The following MAGI2 variants were observed in gnomAD, a reference collection of about 807,000 sequenced individuals.
The protein encoded by MAGI2 is membrane associated guanylate kinase, WW and PDZ domain containing 2.
In MAGI2, 35 loss-of-function variants were observed where a neutral mutation model predicts 133.3. The observed-to-expected ratio is 0.26, with a 90% CI of 0.20 to 0.35. The LOEUF (loss-of-function observed/expected upper bound fraction) is 0.35. MAGI2 is among the 10% of genes least tolerant of loss of function. The pLI is 1.00. For synonymous variants in MAGI2, 729 were observed against 710.6 expected (o/e 1.03, Z -0.41); for missense variants, 1,636 against 1,863.4 (o/e 0.88, Z 2.25).
At chr7:78,930,360 C>G (rs577957783) in intron 2 of MAGI2, among the ~76,000 whole-genome samples, 1 of 152,194 alleles carries the variant, frequency 6.6e-6, no homozygotes. Flanking sequence ...TTGATGAACT[C>G]ACAACCAGTA....
At chr7:79,160,988 A>C (rs796480243) in intron 1 of MAGI2, among the ~76,000 whole-genome samples, 136 of 152,156 alleles carry the variant, frequency 8.9e-4, no homozygotes, top group African/African-American at 3.1e-3. Context: ...GGGAATCCCA[A>C]ACTCCTTTTC....
At chr7:78,174,349 G>C (rs1384104186) in intron 14 of MAGI2, among the ~76,000 whole-genome samples, 2 of 152,200 alleles carry the variant, frequency 1.3e-5, no homozygotes, top group African/African-American at 2.4e-5. Context: ...CCTTAGGTTG[G>C]TAAGTTTGAA....
At chr7:78,414,549 T>C (rs1399864766) in intron 6 of MAGI2, among the ~76,000 whole-genome samples, 3 of 152,054 alleles carry the variant, frequency 2.0e-5, no homozygotes, top group African/African-American at 7.2e-5. Flanking sequence ...CTCCTAATTT[T>C]AAAAGACCAA....
At chr7:78,111,028 C>CT (rs1819308020) in intron 20 of MAGI2, among the ~76,000 whole-genome samples, 5 of 152,142 alleles carry the variant, frequency 3.3e-5, no homozygotes, top group Admixed American at 3.3e-4. Context: ...ACTGGGCAAA[C>CT]TGAGTGACTC....
At chr7:78,826,691 G>A (rs1790682950) in intron 2 of MAGI2, among the ~76,000 whole-genome samples, 1 of 152,136 alleles carries the variant, frequency 6.6e-6, no homozygotes, top group Non-Finnish European at 1.5e-5. Flanking sequence ...AGAGTTCTAG[G>A]ATGAAATGTA....
chr7:78,105,666 G>A (rs1471872590), intron 20 of MAGI2, among the ~76,000 whole-genome samples: 1 of 151,778 alleles, frequency 6.6e-6, no homozygotes, highest in East Asian at 1.9e-4. Flanking sequence ...TATGCGTGTT[G>A]CCTCTTCGCC....
intron 1 of MAGI2, among the ~76,000 whole-genome samples, chr7:79,154,795 T>C (rs1160570161): frequency 6.6e-6 from 1 of 152,176 alleles, no homozygotes; most frequent in Non-Finnish European, 1.5e-5. Flanking sequence ...TCTAACATGG[T>C]ACCTGTCTGC....
intron 2 of MAGI2, among the ~76,000 whole-genome samples, chr7:78,862,411 T>C (rs1794221899): frequency 6.6e-6 from 1 of 152,214 alleles, no homozygotes; most frequent in South Asian, 2.1e-4. Context: ...TCTGGGTGCT[T>C]GTCCAAGATA....
At chr7:79,319,140 T>G (rs1838978414) in intron 1 of MAGI2, among the ~76,000 whole-genome samples, 1 of 152,148 alleles carries the variant, frequency 6.6e-6, no homozygotes, top group Admixed American at 6.6e-5. Context: ...CTTTCCTGAC[T>G]TTCCTGCATT....
intron 1 of MAGI2, among the ~76,000 whole-genome samples, chr7:79,015,907 G>A (rs535165284): frequency 2.7e-5 from 4 of 150,830 alleles, no homozygotes; most frequent in South Asian, 2.1e-4. Context: ...AAAATGGAGA[G>A]AGGGAAGACA....
intron 2 of MAGI2, among the ~76,000 whole-genome samples, chr7:78,780,425 A>G (rs868562710): frequency 7.9e-5 from 12 of 152,152 alleles, no homozygotes; most frequent in Admixed American, 2.0e-4. Context: ...CAGTTGAAAC[A>G]TTTTCCTCAT....
chr7:79,424,510 G>C (rs1847202854), intron 1 of MAGI2, among the ~76,000 whole-genome samples: 1 of 151,974 alleles, frequency 6.6e-6, no homozygotes, highest in South Asian at 2.1e-4. Context: ...TATAGGTATT[G>C]ACAATATATT....
chr7:78,521,056 A>G (rs1796454021), intron 4 of MAGI2, among the ~76,000 whole-genome samples: 1 of 152,178 alleles, frequency 6.6e-6, no homozygotes, highest in African/African-American at 2.4e-5. Flanking sequence ...TAATTAACAG[A>G]GAGCTCAAAA....
At chr7:78,627,260 A>C (rs750235841) in intron 2 of MAGI2, 21 bp from the exon 3 acceptor site, 1 of 1,511,240 alleles carries the variant, frequency 6.6e-7, no homozygotes, top group Non-Finnish European at 8.8e-7. Flanking sequence ...AAAAGTAAAA[A>C]CAAAAGAAAG....
chr7:78,082,050 A>T (rs7807726), intron 20 of MAGI2, among the ~76,000 whole-genome samples: 28,281 of 152,124 alleles, frequency 0.19, 2,694 homozygotes, highest in South Asian at 0.24. Flanking sequence ...TCGAACCCCA[A>T]ATCGAATCTT....
At chr7:78,771,875 C>T (rs1436152703) in intron 2 of MAGI2, among the ~76,000 whole-genome samples, 1 of 152,158 alleles carries the variant, frequency 6.6e-6, no homozygotes, top group Non-Finnish European at 1.5e-5. Flanking sequence ...ATGAGTAATG[C>T]TTTGCTCTGA....
intron 3 of MAGI2, among the ~76,000 whole-genome samples, chr7:78,566,320 G>C (rs1180387322): frequency 3.3e-5 from 5 of 152,228 alleles, no homozygotes; most frequent in Non-Finnish European, 7.4e-5. Context: ...AGGATGCTGA[G>C]GGCCTTGAAA....
At chr7:78,270,461 T>C (rs2150984247) in intron 9 of MAGI2, among the ~76,000 whole-genome samples, 1 of 152,338 alleles carries the variant, frequency 6.6e-6, no homozygotes, top group South Asian at 2.1e-4. Context: ...GTAGTTCTTC[T>C]TGAAGAGGTC....
intron 2 of MAGI2, among the ~76,000 whole-genome samples, chr7:78,653,527 C>T (rs1204872964): frequency 6.6e-6 from 1 of 151,972 alleles, no homozygotes; most frequent in Non-Finnish European, 1.5e-5. Flanking sequence ...AGCAAACTAA[C>T]ACAGGAACAG....
Sources: allele counts gnomAD v4.1 joint callset (sites outside exome capture counted in the v4.1 genomes callset), GRCh38; gene constraint gnomAD v4.1.1; transcripts MANE v1.5; gene names NCBI Gene and HGNC (gene_info 2026-07-23, HGNC 2026-07-21).